GALNT13: variants seen among roughly 807,000 people sequenced by gnomAD.
GALNT13 encodes the protein polypeptide N-acetylgalactosaminyltransferase 13.
In GALNT13, 28 loss-of-function variants were observed where a neutral mutation model predicts 64.2. That is an observed-to-expected ratio of 0.44 (90% CI 0.32 to 0.60). The LOEUF (loss-of-function observed/expected upper bound fraction) is 0.60. Among genes scored for constraint, GALNT13 ranks in the 20% least tolerant of loss-of-function variants. The pLI, the probability that GALNT13 is intolerant of heterozygous loss-of-function variation, is 0.05. For synonymous variants in GALNT13, 214 were observed against 224.6 expected (o/e 0.95, Z 0.42); for missense variants, 577 against 669.8 (o/e 0.86, Z 1.53).
chr2:153,496,065 G>C, the GALNT13 span, among the ~76,000 whole-genome samples: 1 of 152,216 alleles, frequency 6.6e-6, no homozygotes, highest in Non-Finnish European at 1.5e-5. Flanking sequence ...GCAGCATGAA[G>C]AGTGGGGAAG....
chr2:154,012,272 AT>A (rs1696685933), intron 3 of GALNT13, among the ~76,000 whole-genome samples: 1 of 152,178 alleles, frequency 6.6e-6, no homozygotes, highest in Non-Finnish European at 1.5e-5. Context: ...GTGCTACTGA[AT>A]TCTCTTAGTA....
At chr2:153,387,965 T>G in the GALNT13 span, among the ~76,000 whole-genome samples, 9 of 148,810 alleles carry the variant, frequency 6.0e-5, no homozygotes, top group Non-Finnish European at 1.2e-4. Context: ...AAATCCCTTC[T>G]AATAGGCATG....
intron 4 of GALNT13, among the ~76,000 whole-genome samples, chr2:154,191,878 C>T (rs999686539): frequency 6.6e-6 from 1 of 152,128 alleles, no homozygotes; most frequent in Non-Finnish European, 1.5e-5. Context: ...TTTATCAGCT[C>T]AGTTAGACCC....
rs558057134 is a variant in GALNT13, at chr2:154,220,018, C to G, written c.312-22012C>G. Among the ~76,000 whole-genome samples the G allele has an allele frequency of 3.3e-5, 5 of 152,146 alleles. No individual in the cohort carries two copies. The East Asian group carries it at 5.8e-4, about 18-fold the overall frequency. ...AGATCCAGGTGTGTTGTGCCTCATA[C>G]TTAAACTAATTGGGGATATTCTTTA... On this transcript the variant is annotated intron_variant, in intron 4 of 12. Transcript: ENST00000392825.
At chr2:153,785,109 G>A in the GALNT13 span, among the ~76,000 whole-genome samples, 1 of 152,192 alleles carries the variant, frequency 6.6e-6, no homozygotes, top group Non-Finnish European at 1.5e-5. Context: ...AGAGAGAGTG[G>A]CCAAGCTCCA....
chr2:153,978,709 C>A (rs1193285990), intron 3 of GALNT13, among the ~76,000 whole-genome samples: 1 of 152,146 alleles, frequency 6.6e-6, no homozygotes, highest in Non-Finnish European at 1.5e-5. Context: ...ACCTCTTTTT[C>A]TTCCCAGTTT....
the GALNT13 span, among the ~76,000 whole-genome samples, chr2:153,271,038 G>T: frequency 6.6e-6 from 1 of 152,058 alleles, no homozygotes; most frequent in Admixed American, 6.6e-5. Context: ...CTCAATAGAT[G>T]TAGAAAAGGC....
the GALNT13 span, among the ~76,000 whole-genome samples, chr2:153,439,562 C>G: frequency 6.6e-6 from 1 of 152,188 alleles, no homozygotes; most frequent in African/African-American, 2.4e-5. Context: ...GCAGTTTGAT[C>G]TCAGACTGCT....
intron 3 of GALNT13, among the ~76,000 whole-genome samples, chr2:154,024,681 C>T (rs1398399356): frequency 2.0e-5 from 3 of 152,160 alleles, no homozygotes; most frequent in Non-Finnish European, 4.4e-5. Context: ...CTGAAGCCTT[C>T]TTCTCTCAGC....
At chr2:154,205,084 G>C (rs1054851722) in intron 4 of GALNT13, among the ~76,000 whole-genome samples, 1 of 152,078 alleles carries the variant, frequency 6.6e-6, no homozygotes, top group Non-Finnish European at 1.5e-5. Context: ...CATAATCATC[G>C]GGTGAATAGG....
At chr2:153,770,747 G>A in the GALNT13 span, among the ~76,000 whole-genome samples, 1 of 152,218 alleles carries the variant, frequency 6.6e-6, no homozygotes, top group African/African-American at 2.4e-5. Context: ...GGGCTGATCT[G>A]TGTAATGCAC....
chr2:153,119,637 C>T, the GALNT13 span, among the ~76,000 whole-genome samples: 1 of 152,274 alleles, frequency 6.6e-6, no homozygotes, highest in Admixed American at 6.5e-5. Flanking sequence ...TTGTAAGGTT[C>T]TTTGAGTTTT....
At chr2:153,240,446 G>A in the GALNT13 span, among the ~76,000 whole-genome samples, 5 of 152,026 alleles carry the variant, frequency 3.3e-5, no homozygotes, top group Non-Finnish European at 7.4e-5. Context: ...TGCTCTTGTG[G>A]CTACCTGCTT....
chr2:154,245,858 T>C lies in GALNT13; in HGVS notation c.733T>C (p.Phe245Leu). ...PIIDVISDDT[F>L]EYMAGSDMTY... ...CATTGATGTGATTAGTGATGATACT[T>C]TTGAATATATGGCTGGGTCAGACAT... Residue 245 changes from phenylalanine to leucine, a missense_variant, in exon 7 of 13, where the codon TTT becomes CTT. This residue lies in a region of GALNT13 where 341 missense variants were observed against 379.3 expected (regional missense o/e 0.90). Coordinates refer to ENST00000392825, the MANE Select transcript of GALNT13 (RefSeq NM_052917.4). The C allele has an allele frequency of 1.2e-6, 2 of 1,613,098 alleles. No homozygotes were observed. The highest frequency in any genetic ancestry group is 1.7e-6 in the Non-Finnish European group (2 of 1,179,268).
intron 12 of GALNT13, among the ~76,000 whole-genome samples, chr2:154,449,213 G>A (rs2105504743): frequency 6.6e-6 from 1 of 151,660 alleles, no homozygotes; most frequent in East Asian, 2.0e-4. Flanking sequence ...GTATCTAATT[G>A]CCTTGCTCTT....
chr2:154,228,933 C>G (rs1412818768), intron 4 of GALNT13, among the ~76,000 whole-genome samples: 1 of 152,030 alleles, frequency 6.6e-6, no homozygotes, highest in East Asian at 1.9e-4. Context: ...TCAAATGGAA[C>G]AGTTGATGGG....
the GALNT13 span, among the ~76,000 whole-genome samples, chr2:153,254,037 G>T: frequency 2.0e-4 from 31 of 152,136 alleles, no homozygotes; most frequent in Admixed American, 2.6e-4. Flanking sequence ...AATTTCAGAA[G>T]GAATGGTACC....
the GALNT13 span, among the ~76,000 whole-genome samples, chr2:153,305,226 C>G: frequency 8.7e-4 from 132 of 152,170 alleles, 1 homozygote; most frequent in African/African-American, 3.1e-3. Flanking sequence ...TGTGATGGAA[C>G]ATATAGGTTC....
chr2:153,985,782 G>C (rs1694759249), intron 3 of GALNT13, among the ~76,000 whole-genome samples: 1 of 151,856 alleles, frequency 6.6e-6, no homozygotes, highest in African/African-American at 2.4e-5. Flanking sequence ...AAGAGTTCCA[G>C]GCCTATTTGC....
Sources: gnomAD v4.1 joint callset for allele counts (sites outside exome capture counted in the v4.1 genomes callset) on GRCh38, gnomAD v4.1.1 for gene constraint, gnomAD v4.1.1 regional missense constraint, MANE v1.5 for transcripts, NCBI Gene and HGNC (gene_info 2026-07-23, HGNC 2026-07-21) for gene names.